The following SUMF1 variants were observed in gnomAD, a reference collection of about 807,000 sequenced individuals.
The protein encoded by SUMF1 is sulfatase modifying factor 1, also known as formylglycine-generating enzyme.
Under a neutral mutation model 47.6 loss-of-function variants are expected in SUMF1, and 48 were observed. That is an observed-to-expected ratio of 1.01 (90% CI 0.80 to 1.28). The LOEUF (loss-of-function observed/expected upper bound fraction) is 1.28. Among genes scored for constraint, SUMF1 ranks in the 50% most tolerant of loss-of-function variants. SUMF1 has a pLI of 0.00. For synonymous variants in SUMF1, 230 were observed against 192.1 expected (o/e 1.20, Z -1.63); for missense variants, 571 against 485.4 (o/e 1.18, Z -1.66).
chr3:4,421,681 C>T (rs1314850136), intron 3 of SUMF1, among the ~76,000 whole-genome samples: 1 of 152,110 alleles, frequency 6.6e-6, no homozygotes, highest in African/African-American at 2.4e-5. Context: ...TGGGGTTTTG[C>T]CATGTTGCCC....
intron 6 of SUMF1, among the ~76,000 whole-genome samples, chr3:4,413,875 T>A (rs557911317): frequency 6.6e-5 from 10 of 152,142 alleles, no homozygotes; most frequent in Non-Finnish European, 1.3e-4. Context: ...AAAAAAAATT[T>A]TTTTTTAAGA....
At chr3:4,117,298 G>GACCT (rs1693442895) in intron 8 of SUMF1, among the ~76,000 whole-genome samples, 1 of 151,890 alleles carries the variant, frequency 6.6e-6, no homozygotes, top group African/African-American at 2.4e-5. Context: ...TAGGGCCATG[G>GACCT]ACCTCCCTTT....
At chr3:4,073,176 A>AT (rs1265137721) in intron 8 of SUMF1, among the ~76,000 whole-genome samples, 3 of 152,228 alleles carry the variant, frequency 2.0e-5, no homozygotes, top group Non-Finnish European at 4.4e-5. Flanking sequence ...GTGGAAGCCA[A>AT]TATTCAACAT....
intron 8 of SUMF1, among the ~76,000 whole-genome samples, chr3:4,110,731 T>C (rs911621537): frequency 1.1e-4 from 16 of 151,074 alleles, no homozygotes; most frequent in African/African-American, 3.9e-4. Context: ...TTCTCAGCAA[T>C]CTATCGCAAG....
chr3:4,398,301 A>G (rs1701101117), intron 7 of SUMF1, among the ~76,000 whole-genome samples: 1 of 152,188 alleles, frequency 6.6e-6, no homozygotes, highest in South Asian at 2.1e-4. Context: ...GTAGCTTGCC[A>G]GTAAATTTTG....
chr3:4,135,172 A>G (rs541847760), intron 8 of SUMF1, among the ~76,000 whole-genome samples: 48 of 152,266 alleles, frequency 3.2e-4, no homozygotes, highest in African/African-American at 1.1e-3. Flanking sequence ...ACAACAAAAA[A>G]AGAGAAAATT....
chr3:4,169,436 C>T (rs548617792), intron 8 of SUMF1, among the ~76,000 whole-genome samples: 1 of 152,118 alleles, frequency 6.6e-6, no homozygotes, highest in East Asian at 1.9e-4. Flanking sequence ...AGAAAAGGGG[C>T]CATGTGACTG....
At chr3:4,247,167 T>A (rs1438003637) in intron 8 of SUMF1, among the ~76,000 whole-genome samples, 1 of 152,164 alleles carries the variant, frequency 6.6e-6, no homozygotes, top group Non-Finnish European at 1.5e-5. Flanking sequence ...GGTGAAACAG[T>A]GTGTCAGCAA....
intron 8 of SUMF1, among the ~76,000 whole-genome samples, chr3:4,351,916 A>G (rs1279260836): frequency 6.6e-6 from 1 of 152,208 alleles, no homozygotes; most frequent in Non-Finnish European, 1.5e-5. Flanking sequence ...GTACTTGCAC[A>G]TAATTTTCAA....
At chr3:4,190,171 TAAG>T (rs1017553361) in intron 8 of SUMF1, among the ~76,000 whole-genome samples, 1 of 150,774 alleles carries the variant, frequency 6.6e-6, no homozygotes, top group Non-Finnish European at 1.5e-5. Context: ...TTAAATGAAC[TAAG>T]AAGACTTATG....
chr3:4,355,979 G>T (rs1699609770), intron 8 of SUMF1, among the ~76,000 whole-genome samples: 1 of 152,198 alleles, frequency 6.6e-6, no homozygotes, highest in Non-Finnish European at 1.5e-5. Flanking sequence ...TCAGGAAAGA[G>T]CATTTCTCAT....
At chr3:4,312,652 TG>T (rs1698451955) in intron 8 of SUMF1, among the ~76,000 whole-genome samples, 1 of 148,292 alleles carries the variant, frequency 6.7e-6, no homozygotes, top group South Asian at 2.1e-4. Flanking sequence ...CAGTGAACTG[TG>T]ATCACAGCAC....
chr3:4,229,919 G>A (rs1159941524), intron 8 of SUMF1, among the ~76,000 whole-genome samples: 3 of 151,920 alleles, frequency 2.0e-5, no homozygotes, highest in African/African-American at 4.8e-5. Flanking sequence ...AGGCTGAGGC[G>A]GGAGGATCCC....
chr3:4,185,577 A>G (rs906282936), intron 8 of SUMF1, among the ~76,000 whole-genome samples: 3 of 152,176 alleles, frequency 2.0e-5, no homozygotes, highest in African/African-American at 7.2e-5. Context: ...GCACACTTCC[A>G]AAGTTAATAC....
At chr3:4,238,162 C>T (rs1351639152) in intron 8 of SUMF1, among the ~76,000 whole-genome samples, 3 of 152,140 alleles carry the variant, frequency 2.0e-5, no homozygotes, top group Non-Finnish European at 4.4e-5. Context: ...GCCATATTTT[C>T]TTTATCCAGT....
intron 9 of SUMF1, among the ~76,000 whole-genome samples, chr3:4,041,211 A>G (rs564478630): frequency 1.5e-3 from 223 of 152,282 alleles, no homozygotes; most frequent in Middle Eastern, 6.8e-3. Flanking sequence ...AGCTGGGACT[A>G]CAGGCACACA....
chr3:4,116,186 C>A (rs559577812), intron 8 of SUMF1, among the ~76,000 whole-genome samples: 1 of 152,192 alleles, frequency 6.6e-6, no homozygotes, highest in East Asian at 1.9e-4. Context: ...TATACAATGT[C>A]ACACAGAAAG....
At position 4,392,889 on chromosome 3, in the gene SUMF1, C is replaced by G. The variant is rs181643137; in HGVS notation, c.955-16500G>C. Among the ~76,000 whole-genome samples, 1,132 of 151,696 alleles carry G rather than the reference C, an allele frequency of 7.5e-3. 12 individuals carry two copies. Among genetic ancestry groups the G allele is most frequent in the Non-Finnish European group, 0.013 (866 of 67,948 alleles). On this transcript the variant is annotated intron_variant, in intron 7 of 8. Transcript: ENST00000272902. Reference sequence around the variant, plus strand: ...TGTGTTGCATACTTGAACAGCTGACCAATAATTTAGACAGAGGCTATCTCA... The same window carrying G: ...TGTGTTGCATACTTGAACAGCTGACGAATAATTTAGACAGAGGCTATCTCA...
chr3:4,399,798 T>C (rs1020103045), intron 7 of SUMF1, among the ~76,000 whole-genome samples: 1 of 152,162 alleles, frequency 6.6e-6, no homozygotes, highest in African/African-American at 2.4e-5. Context: ...CGCTCTGCCA[T>C]CTAGCCTGAA....
Sources: gnomAD v4.1 joint callset for allele counts (sites outside exome capture counted in the v4.1 genomes callset) on GRCh38, gnomAD v4.1.1 for gene constraint, MANE v1.5 for transcripts, NCBI Gene and HGNC (gene_info 2026-07-23, HGNC 2026-07-21) for gene names.